Variants in TTN observed in about 807,000 individuals in gnomAD.
TTN encodes the protein connectin.
Under a neutral mutation model 3,223.0 loss-of-function variants are expected in TTN, and 1,525 were observed. The observed-to-expected ratio is 0.47, with a 90% confidence interval of 0.45 to 0.49. The LOEUF (loss-of-function observed/expected upper bound fraction) is 0.49. TTN is among the 20% of genes least tolerant of loss of function. The pLI is 0.00. For synonymous variants in TTN, 14,094 were observed against 15,161.0 expected (o/e 0.93, Z 5.17); for missense variants, 40,786 against 43,424.0 (o/e 0.94, Z 5.40).
At chr2:178,679,747 T>C in intron 140 of TTN, 65 bp from the exon 141 acceptor site, 1 of 1,543,944 alleles carries the variant, frequency 6.5e-7, no homozygotes, top group Non-Finnish European at 8.8e-7. Flanking sequence ...GAAAAGCACC[T>C]GTAGAAATCA....
At position 178,711,981 on chromosome 2, in the gene TTN, C is replaced by T. The variant is rs397517525; in HGVS notation, c.27849G>A (p.Val9283=). The T allele has an allele frequency of 1.2e-6, 2 of 1,608,832 alleles. No homozygotes were observed. The highest frequency in any genetic ancestry group is 1.7e-6 in the Non-Finnish European group (2 of 1,176,334). The change falls in exon 96 of 363, where the codon GTG becomes GTA. Residue 9283 remains valine (V), a synonymous_variant. Coordinates refer to ENST00000589042, the MANE Select transcript of TTN (RefSeq NM_001267550.2). ...GEYICKAENS[V]GEVSASTFLT... ...GGAAAGTTGATGCAGAAACTTCTCC[C>T]ACGCTGTTTTCAGCTTTGCAGATAT... is the stretch of plus-strand genomic sequence containing the variant.
chr2:178,764,926 G>A, intron 41 of TTN, 115 bp from the exon 42 acceptor site: 1 of 1,226,160 alleles, frequency 8.2e-7, no homozygotes, highest in Non-Finnish European at 1.1e-6. Context: ...CAAAATTTTG[G>A]AATTGTGGTA....
Position 178,546,208 on chromosome 2 carries a change from T to C in TTN, c.95119+4A>G. On this transcript the variant is annotated splice_donor_region_variant and intron_variant, in intron 342 of 362. Transcript: ENST00000589042. ...ATAAATGTGAGAACATTTGACATGCTTACCAAGCACTTTGACCATGACAGA... is the reference window on the plus strand; with the variant it reads ...ATAAATGTGAGAACATTTGACATGCCTACCAAGCACTTTGACCATGACAGA... 1.2e-6 allele frequency: 2 copies of C among 1,604,350 alleles called. No individual in the cohort carries two copies. Among genetic ancestry groups the C allele is most frequent in the Non-Finnish European group, 1.7e-6 (2 of 1,173,906 alleles).
In TTN at chr2:178,576,620, G is replaced by A; in HGVS notation, c.69624C>T (p.Ser23208=). 6.2e-7 allele frequency: 1 copy of A among 1,613,586 alleles called. No homozygotes were observed. The highest frequency in any genetic ancestry group is 8.5e-7 in the Non-Finnish European group (1 of 1,179,618). ...CTGCACTGACACGGAATTCGTAGGT[G>A]CTTCCTTCTTGCAGTCCTGTTACTT... ...RCKVTGLQEG[S]TYEFRVSAEN... The change falls in exon 325 of 363, where the codon AGC becomes AGT. Residue 23208 remains serine, a synonymous_variant. Transcript: ENST00000589042. The surrounding 1 kb of genome is among the most constrained non-coding windows in gnomAD (Gnocchi z 4.3).
Position 178,547,876 on chromosome 2 carries a change from T to C in TTN, c.93750A>G (p.Lys31250=), listed in dbSNP as rs1368729464. ...SGRPAPKVTW[K]LEEMRLKETD... ...TCTCTTTAAGTCTCATTTCTTCCAG[T>C]TTCCATGTTACTTTGGGGGCAGGAC... Residue 31250 remains lysine (K), a synonymous_variant, in exon 339 of 363, where the codon AAA becomes AAG. Transcript: ENST00000589042. 1.2e-6 allele frequency: 2 copies of C among 1,613,900 alleles called. No individual in the cohort carries two copies. Among genetic ancestry groups the C allele is most frequent in the South Asian group, 2.2e-5 (2 of 91,080 alleles).
intron 12 of TTN, 117 bp from the exon 13 acceptor site, chr2:178,789,614 G>A (rs2093382266): frequency 3.7e-6 from 5 of 1,360,944 alleles, no homozygotes; most frequent in African/African-American, 1.4e-5. Context: ...AAATACACAA[G>A]AGAAATAAAC....
At position 178,664,458 on chromosome 2, in the gene TTN, A is replaced by C. The variant is rs1266861758; in HGVS notation, c.36280+2T>G. 1.2e-6 allele frequency: 2 copies of C among 1,608,108 alleles called. No individual in the cohort carries two copies. The highest frequency in any genetic ancestry group is 1.7e-6 in the Non-Finnish European group (2 of 1,177,146). On this transcript the variant is annotated splice_donor_variant, in intron 168 of 362. Transcript: ENST00000589042. LOFTEE classifies it high-confidence loss of function. ...ACCATAAAAAGACAGTTAAGAATGT[A>C]CCTTTGACAGGTACAACTTCAGCCC... is the stretch of plus-strand genomic sequence containing the variant.
At position 178,651,264 on chromosome 2, in the gene TTN, G is replaced by C; in HGVS notation, c.39604C>G (p.Pro13202Ala). The C allele has an allele frequency of 6.2e-7, 1 of 1,613,210 alleles. No individual in the cohort carries two copies. Among genetic ancestry groups the C allele is most frequent in the South Asian group, 1.1e-5 (1 of 91,012 alleles). The change falls in exon 208 of 363, where the codon CCA (proline) becomes GCA (alanine). Residue 13202 changes from proline (P) to alanine (A), a missense_variant. Coordinates refer to ENST00000589042, the MANE Select transcript of TTN (RefSeq NM_001267550.2). ...GTACCTTTTGCTGGTGGGACTTCTG[G>C]CTTTTTGGGAACAGCTACTTTCTTT... ...PEKKVAVPKKPEVPPAKVPEV... is the reference protein window; with the variant it reads ...PEKKVAVPKKAEVPPAKVPEV...
At chr2:178,632,434 G>T (rs961410993) in intron 235 of TTN, 21 bp from the exon 236 acceptor site, 10 of 1,575,052 alleles carry the variant, frequency 6.3e-6, no homozygotes, top group African/African-American at 1.4e-5. Flanking sequence ...AAAAAAGAAA[G>T]AACTTATTAA....
rs781608143 is a variant in TTN at position 178,741,233 on chromosome 2, G to A, written c.12000C>T (p.Asp4000=). 1.2e-6 allele frequency: 2 copies of A among 1,613,494 alleles called. No individual in the cohort carries two copies. Among genetic ancestry groups the A allele is most frequent in the South Asian group, 1.1e-5 (1 of 91,082 alleles). Residue 4000 remains aspartate, a synonymous_variant, in exon 48 of 363, where the codon GAC becomes GAT. Transcript: ENST00000589042. ...AGAGGCCACTGTCTTCCCTCTGAGG[G>A]TCATTGACAATGAAAGTTCCAGAGC... ...PNGSGTFIVN[D]PQREDSGLYI... is the part of the protein sequence containing the mutation.
chr2:178,587,107 A>G lies in TTN; in HGVS notation c.64093+11T>C, dbSNP rs202082677. 2.2e-5 allele frequency: 35 copies of G among 1,612,978 alleles called. No homozygotes were observed. Among genetic ancestry groups the G allele is most frequent in the South Asian group, 1.1e-4 (10 of 91,020 alleles). ...CTGGGGTTAAAAGGAGGAAGAAAGC[A>G]TAATACTTACTTAGAGGATCTGATG... On this transcript the variant is annotated intron_variant, in intron 307 of 362. Transcript: ENST00000589042.
In TTN at chr2:178,565,698, C is replaced by T; in HGVS notation, c.80434G>A (p.Val26812Ile). 6.2e-7 allele frequency: 1 copy of T among 1,613,606 alleles called. No homozygotes were observed. Among genetic ancestry groups the T allele is most frequent in the Middle Eastern group, 1.7e-4 (1 of 6,056 alleles). ...EKPEHDGGSR[V>I]LGYVVEMQPK... ...TGCATTTCAACAACGTACCCCAGGA[C>T]TCTGCTACCGCCATCATGTTCAGGT... Residue 26812 changes from valine (V) to isoleucine (I), a missense_variant, in exon 326 of 363, where the codon GTC becomes ATC. Coordinates refer to ENST00000589042, the MANE Select transcript of TTN (RefSeq NM_001267550.2).
At position 178,619,362 on chromosome 2, in the gene TTN, C is replaced by T. The variant is rs558303949; in HGVS notation, c.46696+259G>A. On this transcript the variant is annotated intron_variant, in intron 250 of 362. Transcript: ENST00000589042. Reference sequence around the variant, plus strand: ...TTTGCCAAGACTCTCAGGGTGATAGCTTAGTTGTAGCCTAAGTTCATAAAT... The same window carrying T: ...TTTGCCAAGACTCTCAGGGTGATAGTTTAGTTGTAGCCTAAGTTCATAAAT... 4 of 523,084 alleles carry T rather than the reference C, an allele frequency of 7.6e-6. No individual in the cohort carries two copies. In the African/African-American group the frequency reaches 7.8e-5, roughly 10 times the overall value. The allele number at this position is 523,084 out of a possible 1,614,324, so 32.4% of individuals were successfully genotyped here. A position where few individuals can be genotyped will look rare whatever the true frequency, so the allele number is the denominator to read the frequency against.
Position 178,592,612 on chromosome 2 carries a change from A to G in TTN, c.59393T>C (p.Ile19798Thr). Residue 19798 changes from isoleucine (I) to threonine (T), a missense_variant, in exon 301 of 363, where the codon ATT becomes ACT. By Grantham distance (89) the Ile-to-Thr change is moderately conservative. Transcript: ENST00000589042. ...LDANMAREQH[I>T]KVGDTLRLSA... Reference sequence around the variant, plus strand: ...AAGTCTTAGAGTATCACCAACTTTAATGTGTTGTTCTCTTGCCATGTTGGC... The same window carrying G: ...AAGTCTTAGAGTATCACCAACTTTAGTGTGTTGTTCTCTTGCCATGTTGGC... 1 of 1,613,410 alleles carries G rather than the reference A, an allele frequency of 6.2e-7. No individual in the cohort carries two copies.
In TTN at chr2:178,563,658, G is replaced by A. The variant is rs767221784; in HGVS notation, c.82474C>T (p.Arg27492Cys). ...TCGGTACCTCCGTCGTCTACTGGGC[G>A]TGCCCATGTTACTACCATAGAATCT... Reference protein sequence around the residue: ...TKDSMVVTWARPVDDGGTEIE... With the variant: ...TKDSMVVTWACPVDDGGTEIE... Residue 27492 changes from arginine (R) to cysteine (C), a missense_variant, in exon 326 of 363, where the codon CGC (arginine) becomes TGC (cysteine). Physicochemically the swap from Arg to Cys is radical, Grantham distance 180. Transcript: ENST00000589042. The surrounding 1 kb of genome is among the most constrained non-coding windows in gnomAD (Gnocchi z 4.5). 28 of 1,613,568 alleles carry A rather than the reference G, an allele frequency of 1.7e-5. No homozygotes were observed. Among genetic ancestry groups the A allele is most frequent in the Admixed American group, 1.2e-4 (7 of 59,968 alleles).
chr2:178,552,893 A>G lies in TTN; in HGVS notation c.90007T>C (p.Phe30003Leu), dbSNP rs761627535. The change falls in exon 335 of 363, where the codon TTC becomes CTC. Residue 30003 changes from phenylalanine (F) to leucine (L), a missense_variant. By Grantham distance (22) the Phe-to-Leu change is conservative. Transcript: ENST00000589042. ...KLIDLSEKTP[F>L]FFRVLAENEI... ...TTTTCTGCAAGAACTCTGAAGAAGA[A>G]TGGAGTCTTCTCCGACAAATCTATT... The G allele has an allele frequency of 8.1e-6, 13 of 1,613,848 alleles. No homozygotes were observed. In the Admixed American group the frequency reaches 1.5e-4, roughly 19 times the overall value.
rs751405752 is a variant in TTN, at chr2:178,733,525, G to A, written c.15776-8C>T. 3.1e-6 allele frequency: 5 copies of A among 1,605,794 alleles called. No homozygotes were observed. In the Admixed American group the frequency reaches 6.7e-5, roughly 22 times the overall value. ...CAATGATTTTGGCAGGTTCTACAAT[G>A]GTATGAAATAGTTAGCACCCTAAAT... On this transcript the variant is annotated splice_polypyrimidine_tract_variant and splice_region_variant and intron_variant, in intron 53 of 362. Transcript: ENST00000589042.
In TTN at chr2:178,548,103, G is replaced by A. The variant is rs766346925; in HGVS notation, c.93523C>T (p.Arg31175Cys). 3.7e-6 allele frequency: 6 copies of A among 1,613,686 alleles called. No homozygotes were observed. Among genetic ancestry groups the A allele is most frequent in the African/African-American group, 1.3e-5 (1 of 74,884 alleles). The stretch of plus-strand genomic sequence containing the variant: ...TCATATTCAGTTTTCTCAACAAGAC[G>A]CTCTACTGTGAAAGTTAGCTGTTTG... ...HTKQLTFTVE[R>C]LVEKTEYEFR... is the part of the protein sequence containing the mutation. Residue 31175 changes from arginine (R) to cysteine (C), a missense_variant, in exon 339 of 363, where the codon CGT becomes TGT. Arg to Cys is a radical substitution (Grantham distance 180). Transcript: ENST00000589042. The surrounding 1 kb of genome is among the most constrained non-coding windows in gnomAD (Gnocchi z 4.3).
rs2078992087 is a variant in TTN, at chr2:178,724,468, A to T, written c.20907T>A (p.Cys6969Ter). 6.2e-7 allele frequency: 1 copy of T among 1,613,080 alleles called. No homozygotes were observed. The highest frequency in any genetic ancestry group is 1.3e-5 in the African/African-American group (1 of 74,864). ...AGAGTTCCGGAGTGCCAGCCACCTT[A>T]CACTCCAGAGTGCACGTTTCTCCTA... is the stretch of plus-strand genomic sequence containing the variant. Reference protein sequence around the residue: ...VTVGETCTLECKVAGTPELSV... With the variant: ...VTVGETCTLE Residue 6969 changes from cysteine to a stop codon, truncating the protein, a stop_gained, in exon 72 of 363, where the codon TGT becomes TGA. Coordinates refer to ENST00000589042, the MANE Select transcript of TTN (RefSeq NM_001267550.2). LOFTEE classifies it high-confidence loss of function.
Sources: allele counts gnomAD v4.1 joint callset, GRCh38; gene constraint gnomAD v4.1.1; non-coding constraint Gnocchi (gnomAD v3.1); transcripts MANE v1.5; gene names NCBI Gene and HGNC (gene_info 2026-07-23, HGNC 2026-07-21).